SGMS1: variants seen among roughly 807,000 people sequenced by gnomAD.
The protein encoded by SGMS1 is phosphatidylcholine:ceramide cholinephosphotransferase 1.
In SGMS1, 13 loss-of-function variants were observed where a neutral mutation model predicts 46.2. The ratio of observed to expected loss-of-function variants is 0.28; its 90% CI spans 0.18 to 0.45. SGMS1 has a LOEUF of 0.45. SGMS1 is among the 20% of genes least tolerant of loss of function. The pLI is 1.00. For missense variants in SGMS1, 324 were observed against 519.9 expected (o/e 0.62, Z 3.66); for synonymous variants, 203 against 187.8 (o/e 1.08, Z -0.66).
At chr10:50,536,059 G>T (rs1837998506) in intron 2 of SGMS1, among the ~76,000 whole-genome samples, 1 of 151,928 alleles carries the variant, frequency 6.6e-6, no homozygotes, top group Non-Finnish European at 1.5e-5. Flanking sequence ...TTCCAGCTGG[G>T]CACAGTGCTC....
chr10:50,453,815 GGA>G, intron 5 of SGMS1, among the ~76,000 whole-genome samples: 1 of 27,860 alleles, frequency 3.6e-5, no homozygotes, highest in Non-Finnish European at 8.0e-5. Context: ...GAGGGAGGGA[GGA>G]AGGGAGGGAG....
chr10:50,536,115 CTT>C (rs984988566), intron 2 of SGMS1, among the ~76,000 whole-genome samples: 14 of 152,222 alleles, frequency 9.2e-5, no homozygotes, highest in African/African-American at 3.4e-4. Flanking sequence ...CGAAAGATCT[CTT>C]GAGCCCAGGA....
chr10:50,567,046 A>G (rs1398298038), intron 2 of SGMS1, among the ~76,000 whole-genome samples: 1 of 152,062 alleles, frequency 6.6e-6, no homozygotes, highest in Non-Finnish European at 1.5e-5. Flanking sequence ...TCCAGGGTTC[A>G]AGCAATTCTC....
intron 3 of SGMS1, among the ~76,000 whole-genome samples, chr10:50,487,395 C>T (rs1837530634): frequency 6.6e-6 from 1 of 152,110 alleles, no homozygotes; most frequent in Middle Eastern, 3.2e-3. Context: ...GGCTTAATAC[C>T]TAGGTGATGG....
At chr10:50,404,696 T>C (rs1848989282) in intron 6 of SGMS1, among the ~76,000 whole-genome samples, 1 of 152,156 alleles carries the variant, frequency 6.6e-6, no homozygotes, top group Non-Finnish European at 1.5e-5. Context: ...GCAATCCCAC[T>C]CACAGGAATT....
chr10:50,328,093 A>T (rs1175328794), intron 7 of SGMS1: 3 of 387,624 alleles, frequency 7.7e-6, no homozygotes, highest in Non-Finnish European at 1.5e-5. Context: ...TAACAAAATT[A>T]TTTGATATAT....
intron 7 of SGMS1, among the ~76,000 whole-genome samples, chr10:50,337,129 A>G (rs1847728933): frequency 6.6e-6 from 1 of 152,212 alleles, no homozygotes; most frequent in Non-Finnish European, 1.5e-5. Context: ...CAGTAATATG[A>G]GGGAATTTTG....
chr10:50,456,229 A>C (rs1408922723), intron 5 of SGMS1, among the ~76,000 whole-genome samples: 1 of 151,444 alleles, frequency 6.6e-6, no homozygotes, highest in East Asian at 1.9e-4. Context: ...AATTCAATAC[A>C]TAAAACATAT....
chr10:50,428,094 T>C (rs1023379517), intron 6 of SGMS1, among the ~76,000 whole-genome samples: 5 of 152,102 alleles, frequency 3.3e-5, no homozygotes, highest in Admixed American at 1.3e-4. Context: ...GGCTAACTTA[T>C]ACTGCAGGAA....
intron 2 of SGMS1, among the ~76,000 whole-genome samples, chr10:50,537,619 G>GCC (rs1441784122): frequency 8.8e-5 from 3 of 34,002 alleles, no homozygotes; most frequent in Non-Finnish European, 1.7e-4. Context: ...CCCCCTGCCC[G>GCC]CCCCCATTCC....
chr10:50,373,896 G>A (rs1182991077), intron 6 of SGMS1, among the ~76,000 whole-genome samples: 1 of 152,164 alleles, frequency 6.6e-6, no homozygotes, highest in African/African-American at 2.4e-5. Flanking sequence ...TGGTAGAGGA[G>A]TCAAACTATC....
chr10:50,530,741 T>A (rs1004511323), intron 2 of SGMS1, among the ~76,000 whole-genome samples: 2 of 152,090 alleles, frequency 1.3e-5, no homozygotes, highest in Non-Finnish European at 2.9e-5. Flanking sequence ...CGCCTCGGCC[T>A]CTCGAAGCAC....
intron 1 of SGMS1, among the ~76,000 whole-genome samples, chr10:50,600,766 A>C (rs1358778954): frequency 6.6e-6 from 1 of 152,236 alleles, no homozygotes; most frequent in East Asian, 1.9e-4. Flanking sequence ...CATGCTGGAC[A>C]CTAAGAACAC....
chr10:50,384,000 G>GA (rs1182922544), intron 6 of SGMS1, among the ~76,000 whole-genome samples: 1 of 152,170 alleles, frequency 6.6e-6, no homozygotes, highest in Non-Finnish European at 1.5e-5. Context: ...GGAGACCCTA[G>GA]AGGACTTCTT....
intron 5 of SGMS1, among the ~76,000 whole-genome samples, chr10:50,448,531 G>A (rs1837054562): frequency 6.6e-6 from 1 of 152,078 alleles, no homozygotes; most frequent in Admixed American, 6.5e-5. Flanking sequence ...AATCACCTGA[G>A]GTCGGGAGTT....
intron 3 of SGMS1, among the ~76,000 whole-genome samples, chr10:50,485,845 A>G (rs1837516828): frequency 1.3e-5 from 2 of 152,192 alleles, no homozygotes; most frequent in South Asian, 2.1e-4. Context: ...GGTTGCAATG[A>G]GCCAAGATCC....
chr10:50,623,043 G>A (rs1838869819), intron 1 of SGMS1, among the ~76,000 whole-genome samples: 1 of 152,288 alleles, frequency 6.6e-6, no homozygotes, highest in South Asian at 2.1e-4. Context: ...CCCCGCGGGG[G>A]CAGCCCTGCG....
chr10:50,576,397 T>G (rs932655921), intron 2 of SGMS1, among the ~76,000 whole-genome samples: 1 of 152,190 alleles, frequency 6.6e-6, no homozygotes, highest in African/African-American at 2.4e-5. Flanking sequence ...AGAGTCACCC[T>G]TGTCCCCACT....
At chr10:50,313,149 T>G (rs1847284516) in intron 8 of SGMS1, among the ~76,000 whole-genome samples, 1 of 152,174 alleles carries the variant, frequency 6.6e-6, no homozygotes, top group East Asian at 1.9e-4. Context: ...CACTGCATAT[T>G]GAGCTAAACG....
Sources: allele counts gnomAD v4.1 joint callset (sites outside exome capture counted in the v4.1 genomes callset), GRCh38; gene constraint gnomAD v4.1.1; transcripts MANE v1.5; gene names NCBI Gene and HGNC (gene_info 2026-07-23, HGNC 2026-07-21).